DLST: variants seen among roughly 807,000 people sequenced by gnomAD.
DLST encodes dihydrolipoyllysine-residue succinyltransferase component of 2-oxoglutarate dehydrogenase complex, mitochondrial.
A neutral mutation model predicts 53.1 loss-of-function variants in DLST; 17 were observed. The observed-to-expected ratio is 0.32, with a 90% confidence interval of 0.22 to 0.48. DLST has a LOEUF of 0.48. Ranked by LOEUF, DLST falls within the 20% of genes least tolerant of loss-of-function variation. The probability of loss-of-function intolerance (pLI) is 0.99; values close to 1 mark genes in which losing one functional copy is unlikely to be tolerated. For missense variants in DLST, 512 were observed against 583.9 expected (o/e 0.88, Z 1.27); for synonymous variants, 206 against 204.8 (o/e 1.01, Z -0.05).
chr14:74,891,292 A>G, intron 7 of DLST, 125 bp downstream of exon 7: 2 of 1,488,158 alleles, frequency 1.3e-6, no homozygotes, highest in Non-Finnish European at 1.8e-6. Flanking sequence ...TAGTTGAGGG[A>G]ATAAGGGGTA....
intron 2 of DLST, among the ~76,000 whole-genome samples, chr14:74,884,092 T>A (rs1453834168): frequency 6.6e-6 from 1 of 152,188 alleles, no homozygotes; most frequent in Non-Finnish European, 1.5e-5. Flanking sequence ...GACATTTAAC[T>A]GAGACCTGAA....
At position 74,892,840 on chromosome 14, in the gene DLST, C is replaced by T. The variant is rs1445957497; in HGVS notation, c.449C>T (p.Pro150Leu). The T allele has an allele frequency of 1.9e-6, 3 of 1,605,000 alleles. No homozygotes were observed. Among genetic ancestry groups the T allele is most frequent in the East Asian group, 2.2e-5 (1 of 44,842 alleles). Residue 150 changes from proline (P) to leucine (L), a missense_variant, in exon 8 of 15, where the codon CCT becomes CTT. Pro to Leu is a moderately conservative substitution (Grantham distance 98). Transcript: ENST00000334220. ...TACTTTTCTTGTTTTTCAGCTGCTC[C>T]TGCTAAGGCCAAGCCGGCTGAAGCT... ...LFTLRKTGAA[P>L]AKAKPAEAPA... is the part of the protein sequence containing the mutation.
chr14:74,882,568 G>T (rs753588621), intron 1 of DLST, 23 bp from the exon 2 acceptor site: 13 of 1,613,108 alleles, frequency 8.1e-6, no homozygotes, highest in Non-Finnish European at 1.1e-5. Flanking sequence ...GGGTGACGTC[G>T]ATAATGTCTT....
chr14:74,883,868 G>C (rs1324096902), intron 2 of DLST, among the ~76,000 whole-genome samples: 1 of 152,196 alleles, frequency 6.6e-6, no homozygotes, highest in Admixed American at 6.5e-5. Flanking sequence ...CTATATGCCA[G>C]CCACTGTTCT....
chr14:74,900,151 C>CT (rs1380650549), intron 12 of DLST, 138 bp from the exon 13 acceptor site: 1 of 1,088,194 alleles, frequency 9.2e-7, no homozygotes, highest in Non-Finnish European at 1.4e-6. Flanking sequence ...ATGCCGCATT[C>CT]TTTTAACACT....
chr14:74,891,397 T>A, intron 7 of DLST: 1 of 1,191,470 alleles, frequency 8.4e-7, no homozygotes, highest in Non-Finnish European at 1.0e-6. Context: ...TCCATGGGTG[T>A]TTCTTAGCAG....
chr14:74,893,106 G>T, intron 8 of DLST, 120 bp downstream of exon 8: 2 of 1,290,536 alleles, frequency 1.5e-6, no homozygotes, highest in South Asian at 1.5e-5. Flanking sequence ...TTTGTAGAAA[G>T]AATTCTAGAC....
intron 10 of DLST, 100 bp downstream of exon 10, chr14:74,894,509 C>T (rs1884015353): frequency 8.3e-7 from 1 of 1,209,392 alleles, no homozygotes; most frequent in Admixed American, 2.4e-5. Flanking sequence ...ACTAACTTGT[C>T]AGGGAAGAGG....
rs1196504463 is a variant in DLST at position 74,894,292 on chromosome 14, T to C, written c.673-20T>C. 1.2e-6 allele frequency: 2 copies of C among 1,613,428 alleles called. No individual in the cohort carries two copies. Among genetic ancestry groups the C allele is most frequent in the Non-Finnish European group, 1.7e-6 (2 of 1,179,738 alleles). ...CCAGAGAGATCAGATTGTCAATGCTTGTTCCACTCTTACTTTCAGGAGAAA... is the reference window on the plus strand; with the variant it reads ...CCAGAGAGATCAGATTGTCAATGCTCGTTCCACTCTTACTTTCAGGAGAAA... On this transcript the variant is annotated intron_variant, in intron 9 of 14. Coordinates refer to ENST00000334220, the MANE Select transcript of DLST (RefSeq NM_001933.5).
chr14:74,885,646 TG>T lies in DLST; in HGVS notation c.146+16del, dbSNP rs765672184. ...AGCAGGAAGGTTGTGTAAGTATCAC[TG>T]GGGAGTACAGATATGTGGCCACGGG... On this transcript the variant is annotated intron_variant, in intron 3 of 14. Transcript: ENST00000334220. 3 of 1,609,716 alleles carry T rather than the reference TG, an allele frequency of 1.9e-6. No homozygotes were observed. Among genetic ancestry groups the T allele is most frequent in the South Asian group, 1.1e-5 (1 of 90,426 alleles).
At chr14:74,896,010 C>T (rs1215596686) in intron 10 of DLST, among the ~76,000 whole-genome samples, 1 of 152,220 alleles carries the variant, frequency 6.6e-6, no homozygotes. Context: ...GCATGTGCCA[C>T]CAGGCTTGGC....
At chr14:74,884,418 G>A (rs1883635026) in intron 2 of DLST, among the ~76,000 whole-genome samples, 1 of 152,136 alleles carries the variant, frequency 6.6e-6, no homozygotes, top group African/African-American at 2.4e-5. Context: ...AAAGAGCCTT[G>A]CACTTGGGGA....
chr14:74,886,328 TTTG>T (rs546245239), intron 3 of DLST, among the ~76,000 whole-genome samples: 20 of 152,264 alleles, frequency 1.3e-4, no homozygotes, highest in South Asian at 6.2e-4. Context: ...AATGAGGGTT[TTTG>T]TTGTTGTTGT....
At chr14:74,882,112 C>A in intron 1 of DLST, 96 bp downstream of exon 1, 1 of 1,214,938 alleles carries the variant, frequency 8.2e-7, no homozygotes, top group Non-Finnish European at 1.1e-6. Flanking sequence ...GCCGGCCGGG[C>A]CGGGCACCAA....
intron 7 of DLST, among the ~76,000 whole-genome samples, chr14:74,892,458 C>A (rs1480649560): frequency 6.6e-6 from 1 of 151,626 alleles, no homozygotes; most frequent in Non-Finnish European, 1.5e-5. Flanking sequence ...TGAAGAGTAT[C>A]AGTAATTAGA....
chr14:74,891,912 A>G (rs960368190), intron 7 of DLST: 1 of 961,416 alleles, frequency 1.0e-6, no homozygotes, highest in Non-Finnish European at 1.2e-6. Context: ...GAAATAAGGT[A>G]GTCCTCCTGT....
At position 74,891,174 on chromosome 14, in the gene DLST, A is replaced by T. The variant is rs1316102041; in HGVS notation, c.442+7A>T. 3 of 1,613,904 alleles carry T rather than the reference A, an allele frequency of 1.9e-6. No individual in the cohort carries two copies. The highest frequency in any genetic ancestry group is 2.5e-6 in the Non-Finnish European group (3 of 1,179,954). On this transcript the variant is annotated splice_region_variant and intron_variant, in intron 7 of 14. Transcript: ENST00000334220. ...ACACTCAGGAAAACTGGTGGTAAAG[A>T]AGTTCTCCTGGTGGTCAAGGTCTCC...
At chr14:74,888,464 C>T (rs1397294677) in intron 3 of DLST, among the ~76,000 whole-genome samples, 1 of 151,994 alleles carries the variant, frequency 6.6e-6, no homozygotes, top group African/African-American at 2.4e-5. Flanking sequence ...CCTGGCTGGA[C>T]ATGGTGACTC....
At chr14:74,896,867 C>CT (rs1280807335) in intron 10 of DLST, among the ~76,000 whole-genome samples, 2 of 152,220 alleles carry the variant, frequency 1.3e-5, no homozygotes, top group Non-Finnish European at 2.9e-5. Context: ...GCTGGATCTC[C>CT]TTTCAGCAGC....
Sources: gnomAD v4.1 joint callset for allele counts (sites outside exome capture counted in the v4.1 genomes callset) on GRCh38, gnomAD v4.1.1 for gene constraint, MANE v1.5 for transcripts, NCBI Gene and HGNC (gene_info 2026-07-23, HGNC 2026-07-21) for gene names.